The following THSD7B variants were observed in gnomAD, a reference collection of about 807,000 sequenced individuals.
THSD7B encodes thrombospondin type 1 domain containing 7B.
A neutral mutation model predicts 213.6 loss-of-function variants in THSD7B; 138 were observed. That is an observed-to-expected ratio of 0.65 (90% CI 0.56 to 0.74). THSD7B has a LOEUF of 0.74. Among genes scored for constraint, THSD7B ranks in the 30% least tolerant of loss-of-function variants. The pLI is 0.00. For missense variants in THSD7B, 1,931 were observed against 1,991.5 expected, an observed-to-expected ratio of 0.97 and a Z score of 0.58; for synonymous variants, 742 against 687.0, an observed-to-expected ratio of 1.08 and a Z score of -1.25.
chr2:137,195,616 TTAAA>T (rs113683858), intron 7 of THSD7B, among the ~76,000 whole-genome samples: 2,481 of 152,184 alleles, frequency 0.016, 47 homozygotes, highest in African/African-American at 0.056. Flanking sequence ...GTTATAACTA[TTAAA>T]TAAAGTATAA....
At chr2:136,927,551 G>A (rs568471802) in intron 2 of THSD7B, among the ~76,000 whole-genome samples, 1 of 152,290 alleles carries the variant, frequency 6.6e-6, no homozygotes, top group African/African-American at 2.4e-5. Flanking sequence ...GAACAGATAA[G>A]GTCACCTATG....
intron 2 of THSD7B, among the ~76,000 whole-genome samples, chr2:137,035,355 T>C (rs1686756226): frequency 1.3e-5 from 2 of 152,188 alleles, no homozygotes; most frequent in South Asian, 2.1e-4. Context: ...GCTCTCCTTT[T>C]TGCAATGCAG....
At chr2:136,887,524 C>A (rs961400417) in intron 2 of THSD7B, among the ~76,000 whole-genome samples, 7 of 152,084 alleles carry the variant, frequency 4.6e-5, no homozygotes, top group African/African-American at 1.7e-4. Context: ...TGAGTGAGTT[C>A]TTGCTTTATT....
intron 1 of THSD7B, among the ~76,000 whole-genome samples, chr2:136,877,372 G>A (rs1195510256): frequency 6.6e-6 from 1 of 152,144 alleles, no homozygotes. Context: ...TAGGCCAGAA[G>A]TTTTAGAATT....
At chr2:137,242,967 A>G (rs1032042995) in intron 10 of THSD7B, among the ~76,000 whole-genome samples, 5 of 152,314 alleles carry the variant, frequency 3.3e-5, no homozygotes, top group Middle Eastern at 3.4e-3. Context: ...CTCGAATACA[A>G]TGCTCACATC....
At chr2:137,206,787 G>C (rs4954482) in intron 7 of THSD7B, among the ~76,000 whole-genome samples, 1 of 151,972 alleles carries the variant, frequency 6.6e-6, no homozygotes, top group Admixed American at 6.6e-5. Flanking sequence ...CAGACGCATC[G>C]TTTGCTGAAG....
At chr2:137,132,917 A>G (rs750108032) in intron 5 of THSD7B, among the ~76,000 whole-genome samples, 1 of 152,218 alleles carries the variant, frequency 6.6e-6, no homozygotes, top group Non-Finnish European at 1.5e-5. Context: ...AAGCCCTTCA[A>G]AAATGTAAAG....
chr2:137,212,552 T>G (rs369868858), intron 7 of THSD7B, among the ~76,000 whole-genome samples: 2 of 152,078 alleles, frequency 1.3e-5, no homozygotes, highest in Non-Finnish European at 2.9e-5. Context: ...AAACATTGTC[T>G]GAATTGGGAC....
intron 15 of THSD7B, among the ~76,000 whole-genome samples, chr2:137,454,140 C>T (rs1442807465): frequency 2.6e-5 from 4 of 152,090 alleles, no homozygotes; most frequent in Non-Finnish European, 4.4e-5. Flanking sequence ...AATGGGATTG[C>T]TGGATCATAT....
chr2:136,790,305 A>G (rs536468268), intron 1 of THSD7B, among the ~76,000 whole-genome samples: 3 of 152,160 alleles, frequency 2.0e-5, no homozygotes, highest in South Asian at 2.1e-4. Flanking sequence ...AAAATAGAAG[A>G]AAAAAACCAC....
intron 17 of THSD7B, among the ~76,000 whole-genome samples, chr2:137,600,227 G>C (rs1428818688): frequency 6.6e-6 from 1 of 152,142 alleles, no homozygotes; most frequent in Non-Finnish European, 1.5e-5. Context: ...TGGCATATCA[G>C]AAGCAAAATG....
chr2:136,891,864 T>G (rs1318790364), intron 2 of THSD7B, among the ~76,000 whole-genome samples: 4 of 152,148 alleles, frequency 2.6e-5, no homozygotes, highest in Non-Finnish European at 5.9e-5. Flanking sequence ...CACACATCAG[T>G]GGGTCATTAG....
At chr2:137,076,817 GTTTT>G (rs922361267) in intron 3 of THSD7B, among the ~76,000 whole-genome samples, 1 of 150,968 alleles carries the variant, frequency 6.6e-6, no homozygotes, top group African/African-American at 2.4e-5. Context: ...TTGTTTATTT[GTTTT>G]TTTTTAATCT....
At chr2:137,410,564 C>G (rs184581434) in intron 13 of THSD7B, among the ~76,000 whole-genome samples, 24 of 152,172 alleles carry the variant, frequency 1.6e-4, no homozygotes, top group Admixed American at 1.0e-3. Context: ...CCACCATGCC[C>G]AGCTTAGAAA....
chr2:137,174,384 A>G (rs1680319995), intron 7 of THSD7B, among the ~76,000 whole-genome samples: 1 of 152,190 alleles, frequency 6.6e-6, no homozygotes, highest in East Asian at 1.9e-4. Context: ...GAGTTTGTTT[A>G]GACCATTAGC....
chr2:136,873,360 G>A (rs1032381376), intron 1 of THSD7B, among the ~76,000 whole-genome samples: 1 of 152,206 alleles, frequency 6.6e-6, no homozygotes, highest in Non-Finnish European at 1.5e-5. Flanking sequence ...TACCTGCAGA[G>A]TGTCATGCTG....
chr2:137,247,160 T>C (rs1682059395), intron 10 of THSD7B, among the ~76,000 whole-genome samples: 1 of 152,336 alleles, frequency 6.6e-6, no homozygotes, highest in African/African-American at 2.4e-5. Context: ...CCTCATGTTT[T>C]TACTTTAAGA....
At chr2:136,883,738 A>T (rs1474837923) in intron 2 of THSD7B, among the ~76,000 whole-genome samples, 1 of 152,208 alleles carries the variant, frequency 6.6e-6, no homozygotes, top group Non-Finnish European at 1.5e-5. Context: ...TCATTGGAAC[A>T]AGATGGTAAA....
intron 12 of THSD7B, among the ~76,000 whole-genome samples, chr2:137,315,299 A>C (rs1684063512): frequency 6.6e-6 from 1 of 151,898 alleles, no homozygotes; most frequent in Non-Finnish European, 1.5e-5. Context: ...CCTTTCTTTG[A>C]CTCGGAAAGG....
Sources: allele counts gnomAD v4.1 joint callset (sites outside exome capture counted in the v4.1 genomes callset), GRCh38; gene constraint gnomAD v4.1.1; transcripts MANE v1.5; gene names NCBI Gene and HGNC (gene_info 2026-07-23, HGNC 2026-07-21).